PRKCB: variants seen among roughly 807,000 people sequenced by gnomAD.
PRKCB encodes the protein protein kinase C beta.
In PRKCB, 13 loss-of-function variants were observed where a neutral mutation model predicts 81.5. The observed-to-expected ratio is 0.16, with a 90% CI of 0.10 to 0.25. The LOEUF is 0.25. Ranked by LOEUF, PRKCB falls within the 10% of genes least tolerant of loss-of-function variation. The pLI is 1.00. For missense variants in PRKCB, 509 were observed against 875.7 expected (o/e 0.58, Z 5.29); for synonymous variants, 335 against 321.4 (o/e 1.04, Z -0.45).
chr16:23,971,088 T>C (rs1419707811), intron 2 of PRKCB, among the ~76,000 whole-genome samples: 1 of 152,232 alleles, frequency 6.6e-6, no homozygotes, highest in African/African-American at 2.4e-5. Flanking sequence ...ATTCTATAAA[T>C]TCTTAGCATG....
At chr16:24,204,022 G>T (rs1012179927) in intron 16 of PRKCB, among the ~76,000 whole-genome samples, 2 of 151,922 alleles carry the variant, frequency 1.3e-5, no homozygotes, top group East Asian at 3.9e-4. Flanking sequence ...TGGGAATATG[G>T]GTAGGAATTT....
At chr16:24,189,034 CTT>C (rs2141978355) in intron 15 of PRKCB, among the ~76,000 whole-genome samples, 1 of 152,304 alleles carries the variant, frequency 6.6e-6, no homozygotes, top group East Asian at 1.9e-4. Flanking sequence ...CCATCCTAAT[CTT>C]ACACAAATGT....
intron 13 of PRKCB, among the ~76,000 whole-genome samples, chr16:24,182,897 G>T (rs1349105158): frequency 6.6e-6 from 1 of 151,838 alleles, no homozygotes; most frequent in East Asian, 1.9e-4. Context: ...GTGTGTGTGT[G>T]TGTGTTTGAG....
At chr16:23,890,272 C>A (rs569292688) in intron 2 of PRKCB, among the ~76,000 whole-genome samples, 1 of 152,326 alleles carries the variant, frequency 6.6e-6, no homozygotes, top group African/African-American at 2.4e-5. Flanking sequence ...TGCCTCTCTG[C>A]AAACCTCTTA....
intron 5 of PRKCB, among the ~76,000 whole-genome samples, chr16:24,061,686 G>A (rs1415431010): frequency 6.6e-6 from 1 of 152,102 alleles, no homozygotes; most frequent in Non-Finnish European, 1.5e-5. Context: ...TCATTATTGA[G>A]AGAGTAAAAT....
rs539810920 is a variant in PRKCB at position 23,895,470 on chromosome 16, A to G, written c.205+58064A>G. Among the ~76,000 whole-genome samples, 5 of 152,236 alleles carry G rather than the reference A, an allele frequency of 3.3e-5. No homozygotes were observed. The South Asian group carries it at 6.2e-4, about 19-fold the overall frequency. ...AGCTAAATGTCCCTATGTACTTTCA[A>G]TTATATCTACTGATTTGTCAAAAAT... On this transcript the variant is annotated intron_variant, in intron 2 of 16. Transcript: ENST00000643927.
At chr16:24,200,609 G>T (rs986769155) in intron 16 of PRKCB, among the ~76,000 whole-genome samples, 12 of 152,218 alleles carry the variant, frequency 7.9e-5, no homozygotes, top group African/African-American at 2.9e-4. Flanking sequence ...CTTGCATCTG[G>T]TGAGAGACTT....
intron 2 of PRKCB, among the ~76,000 whole-genome samples, chr16:23,874,733 A>G (rs939155893): frequency 6.6e-6 from 1 of 152,214 alleles, no homozygotes; most frequent in Non-Finnish European, 1.5e-5. Context: ...ACTGATGTAG[A>G]TAATGCACTT....
At chr16:23,884,644 C>T (rs1206380055) in intron 2 of PRKCB, among the ~76,000 whole-genome samples, 3 of 152,288 alleles carry the variant, frequency 2.0e-5, no homozygotes, top group South Asian at 2.1e-4. Flanking sequence ...AAACAATCCT[C>T]CCACCTCAGC....
intron 2 of PRKCB, among the ~76,000 whole-genome samples, chr16:23,887,440 T>C (rs1419974235): frequency 1.3e-5 from 2 of 152,214 alleles, no homozygotes; most frequent in Non-Finnish European, 2.9e-5. Context: ...GGTGAGAACA[T>C]GTGGTATTTG....
At chr16:24,106,312 T>C (rs1315929673) in intron 7 of PRKCB, among the ~76,000 whole-genome samples, 1 of 152,174 alleles carries the variant, frequency 6.6e-6, no homozygotes, top group Non-Finnish European at 1.5e-5. Flanking sequence ...AGGTGCCCAA[T>C]GTCTGCTAAA....
rs1241544971 is a variant in PRKCB at position 24,216,889 on chromosome 16, G to A, written c.*2073G>A. 4.1e-6 allele frequency: 4 copies of A among 985,342 alleles called. No individual in the cohort carries two copies. The highest frequency in any genetic ancestry group is 2.3e-4 in the East Asian group (2 of 8,820). 61.0% of individuals were successfully genotyped at this position (985,342 alleles called of 1,614,324 possible). ...AACCTGGGTGTCCTGTCCAGAAAGT[G>A]CAGGGTGCTTTCTGCTCTGTAGCAA... On this transcript the variant is annotated 3_prime_UTR_variant, in exon 17 of 17. Coordinates refer to ENST00000643927, the MANE Select transcript of PRKCB (RefSeq NM_002738.7).
chr16:24,219,166 G>T lies in PRKCB; in HGVS notation c.*4350G>T. 1 of 984,204 alleles carries T rather than the reference G, an allele frequency of 1.0e-6. No homozygotes were observed. The highest frequency in any genetic ancestry group is 1.2e-6 in the Non-Finnish European group (1 of 829,374). The allele number at this position is 984,204 out of a possible 1,614,324, so 61.0% of individuals were successfully genotyped here. A position where few individuals can be genotyped will look rare whatever the true frequency, so the allele number is the denominator to read the frequency against. Reference sequence around the variant, plus strand: ...CCCAAGCAATTGCTAGTAAATGGGGGTTAATTTCTTCTCCACCTCCCTACT... The same window carrying T: ...CCCAAGCAATTGCTAGTAAATGGGGTTTAATTTCTTCTCCACCTCCCTACT... On this transcript the variant is annotated 3_prime_UTR_variant, in exon 17 of 17. Transcript: ENST00000643927.
intron 2 of PRKCB, among the ~76,000 whole-genome samples, chr16:23,928,276 C>T (rs1172936877): frequency 4.6e-5 from 7 of 151,948 alleles, no homozygotes; most frequent in African/African-American, 1.4e-4. Flanking sequence ...TAGATGCCCA[C>T]GACCATGCCC....
At chr16:24,180,950 T>C (rs778483083) in intron 13 of PRKCB, 22 bp downstream of exon 13, 1 of 1,612,200 alleles carries the variant, frequency 6.2e-7, no homozygotes, top group Admixed American at 1.7e-5. Context: ...TGGGCACACG[T>C]TCACATTGCG....
At chr16:24,078,346 G>A (rs1207968946) in intron 5 of PRKCB, among the ~76,000 whole-genome samples, 4 of 152,208 alleles carry the variant, frequency 2.6e-5, no homozygotes, top group Non-Finnish European at 5.9e-5. Flanking sequence ...TTCCTGTCCC[G>A]AGGATATGAG....
At chr16:24,186,357 G>C (rs1967704317) in intron 15 of PRKCB, among the ~76,000 whole-genome samples, 1 of 152,094 alleles carries the variant, frequency 6.6e-6, no homozygotes, top group Non-Finnish European at 1.5e-5. Flanking sequence ...TGAGTATTTT[G>C]GAAAAGTCTC....
intron 2 of PRKCB, among the ~76,000 whole-genome samples, chr16:23,867,113 C>CTTCA (rs1262839914): frequency 6.9e-6 from 1 of 144,746 alleles, no homozygotes; most frequent in Non-Finnish European, 1.5e-5. Flanking sequence ...TCTTTTCTTT[C>CTTCA]TTCATTTCCT....
rs558467182 is a variant in PRKCB, at chr16:23,939,762, A to G, written c.206-48746A>G. Among the ~76,000 whole-genome samples, 7 of 152,344 alleles carry G rather than the reference A, an allele frequency of 4.6e-5. 1 individual carries two copies. In the South Asian group the frequency reaches 1.2e-3, roughly 27 times the overall value. On this transcript the variant is annotated intron_variant, in intron 2 of 16. Transcript: ENST00000643927. ...AACTATACAACTTTTAGAAGAAAACATAGGAGAAAATTTTTGGAATCTAGG... is the reference window on the plus strand; with the variant it reads ...AACTATACAACTTTTAGAAGAAAACGTAGGAGAAAATTTTTGGAATCTAGG...
Sources: allele counts gnomAD v4.1 joint callset (sites outside exome capture counted in the v4.1 genomes callset), GRCh38; gene constraint gnomAD v4.1.1; transcripts MANE v1.5; gene names NCBI Gene and HGNC (gene_info 2026-07-23, HGNC 2026-07-21).